ANKRD11: variants seen among roughly 807,000 people sequenced by gnomAD.
ANKRD11 encodes the protein ankyrin repeat domain 11, also known as ankyrin repeat domain-containing protein 11.
ANKRD11 carries 17 observed loss-of-function variants against 195.7 expected under a neutral mutation model. That is an observed-to-expected ratio of 0.09 (90% CI 0.06 to 0.13). The LOEUF (loss-of-function observed/expected upper bound fraction) is 0.13, where lower values mean the gene tolerates loss of function less well. Among genes scored for constraint, ANKRD11 ranks in the 10% least tolerant of loss-of-function variants. The pLI is 1.00. For synonymous variants in ANKRD11, 1,953 were observed against 1,528.1 expected, an observed-to-expected ratio of 1.28 and a Z score of -6.49; for missense variants, 3,735 against 3,566.1, an observed-to-expected ratio of 1.05 and a Z score of -1.21.
intron 11 of ANKRD11, 186 bp from the exon 12 acceptor site, chr16:89,271,095 A>G (rs567457940): frequency 6.1e-6 from 4 of 657,752 alleles, no homozygotes; most frequent in Non-Finnish European, 1.1e-5. Context: ...CTCCCTAAAC[A>G]GCCTCCCTAA....
Position 89,283,527 on chromosome 16 carries a change from T to C in ANKRD11, c.3015A>G (p.Pro1005=), listed in dbSNP as rs1356574465. The C allele has an allele frequency of 6.2e-7, 1 of 1,613,498 alleles. No individual in the cohort carries two copies. Among genetic ancestry groups the C allele is most frequent in the South Asian group, 1.1e-5 (1 of 91,088 alleles). ...KGLEPWERHH[P]AREKEKKDGP... ...CATCCTTCTTCTCCTTCTCTCGTGC[T>C]GGGTGGTGCCGTTCCCACGGCTCCA... The change falls in exon 9 of 13, where the codon CCA becomes CCG. Residue 1005 remains proline, a synonymous_variant. Transcript: ENST00000301030. The surrounding 1 kb of genome is among the most constrained non-coding windows in gnomAD (Gnocchi z 4.3).
chr16:89,487,374 C>A (rs1177325048), intron 1 of ANKRD11, among the ~76,000 whole-genome samples: 1 of 152,212 alleles, frequency 6.6e-6, no homozygotes, highest in African/African-American at 2.4e-5. Flanking sequence ...TACTGATACT[C>A]TCTAATTATG....
chr16:89,480,591 G>A (rs1597546329), intron 1 of ANKRD11, among the ~76,000 whole-genome samples: 1 of 152,066 alleles, frequency 6.6e-6, no homozygotes, highest in South Asian at 2.1e-4. Context: ...ACAAGTCCAA[G>A]ATGAGCCTAA....
chr16:89,398,343 C>T (rs994085846), intron 2 of ANKRD11, among the ~76,000 whole-genome samples: 4 of 89,644 alleles, frequency 4.5e-5, no homozygotes, highest in African/African-American at 1.2e-4. Flanking sequence ...CTACCTGTGA[C>T]CTCAGCACTC....
chr16:89,319,393 C>T (rs1005156321), intron 2 of ANKRD11, among the ~76,000 whole-genome samples: 1 of 152,244 alleles, frequency 6.6e-6, no homozygotes, highest in South Asian at 2.1e-4. Context: ...GTCGCACCCA[C>T]CAGGCAAAAT....
intron 1 of ANKRD11, among the ~76,000 whole-genome samples, chr16:89,438,306 G>A (rs1181526610): frequency 6.8e-6 from 1 of 146,172 alleles, no homozygotes; most frequent in Non-Finnish European, 1.5e-5. Context: ...CTATCTTTAT[G>A]GCCTTGGGAT....
chr16:89,391,343 G>A (rs2041189236), intron 2 of ANKRD11, among the ~76,000 whole-genome samples: 1 of 152,066 alleles, frequency 6.6e-6, no homozygotes, highest in African/African-American at 2.4e-5. Context: ...GTGGGTGCTG[G>A]AGTGCTGGCA....
intron 3 of ANKRD11, among the ~76,000 whole-genome samples, chr16:89,311,135 T>G (rs532696210): frequency 2.0e-5 from 3 of 152,382 alleles, no homozygotes; most frequent in African/African-American, 7.2e-5. Flanking sequence ...ATGTTTTTGC[T>G]GCATTAGTTG....
At chr16:89,366,025 A>C (rs2039933273) in intron 2 of ANKRD11, among the ~76,000 whole-genome samples, 1 of 151,484 alleles carries the variant, frequency 6.6e-6, no homozygotes, top group Non-Finnish European at 1.5e-5. Context: ...TCCATGTTCC[A>C]CAAAAGACAT....
At chr16:89,394,894 G>C (rs2041357791) in intron 2 of ANKRD11, among the ~76,000 whole-genome samples, 1 of 152,182 alleles carries the variant, frequency 6.6e-6, no homozygotes, top group African/African-American at 2.4e-5. Flanking sequence ...CTGTTGGAAA[G>C]CCTAAAGCTT....
rs1446765850 is a variant in ANKRD11 at position 89,368,367 on chromosome 16, T to TTG, written c.-60+49915_-60+49916dup. On this transcript the variant is annotated intron_variant, in intron 2 of 12. Transcript: ENST00000301030. ...GCCTGCTGCCGTGCCTGGCTAATTT[T>TTG]TGTGTTTTTTTTTTTTTTTTTTTTT... Among the ~76,000 whole-genome samples the TTG allele has an allele frequency of 1.2e-4, 16 of 130,128 alleles. 1 individual carries two copies. The highest frequency in any genetic ancestry group is 7.3e-4 in the South Asian group (3 of 4,112). 85.4% of individuals were successfully genotyped at this position (130,128 alleles called of 152,430 possible).
intron 11 of ANKRD11, chr16:89,272,714 C>G (rs1326537086): frequency 6.6e-6 from 1 of 152,150 alleles, no homozygotes; most frequent in Non-Finnish European, 1.5e-5. Flanking sequence ...TGTCCACACT[C>G]CCATATTTAA....
intron 2 of ANKRD11, among the ~76,000 whole-genome samples, chr16:89,367,614 G>T (rs910319737): frequency 1.3e-5 from 2 of 152,100 alleles, no homozygotes; most frequent in African/African-American, 4.8e-5. Flanking sequence ...CATTGCTTGG[G>T]GGCCTCTATA....
At chr16:89,290,294 G>A (rs1341258544) in intron 6 of ANKRD11, among the ~76,000 whole-genome samples, 12 of 133,690 alleles carry the variant, frequency 9.0e-5, no homozygotes, top group Admixed American at 8.7e-4. Flanking sequence ...GGCTCCAGCC[G>A]GGGGAGGCTC....
At chr16:89,314,982 C>A (rs575674170) in intron 3 of ANKRD11, among the ~76,000 whole-genome samples, 2 of 152,326 alleles carry the variant, frequency 1.3e-5, no homozygotes, top group East Asian at 3.9e-4. Context: ...CTAGAGCACA[C>A]CCCAGGTGCA....
intron 2 of ANKRD11, among the ~76,000 whole-genome samples, chr16:89,388,357 C>T (rs1004829521): frequency 8.2e-5 from 11 of 133,776 alleles, no homozygotes; most frequent in African/African-American, 2.2e-4. Context: ...GTCTTGAACT[C>T]CTGACCTCGT....
chr16:89,342,071 TCCA>T (rs2038712176), intron 2 of ANKRD11, among the ~76,000 whole-genome samples: 1 of 78,172 alleles, frequency 1.3e-5, no homozygotes, highest in African/African-American at 4.3e-5. Context: ...GTGCTGCACC[TCCA>T]CCGCCCACAG....
chr16:89,484,815 A>C (rs962639449), intron 1 of ANKRD11, among the ~76,000 whole-genome samples: 9 of 152,240 alleles, frequency 5.9e-5, no homozygotes, highest in African/African-American at 2.2e-4. Flanking sequence ...GTTGAGAAAA[A>C]GCCAACATTT....
chr16:89,273,026 G>C (rs1325620321), intron 11 of ANKRD11: 2 of 109,396 alleles, frequency 1.8e-5, no homozygotes, highest in East Asian at 6.2e-4. Flanking sequence ...CAGGGAGGTA[G>C]AAGTGGTTAA....
Sources: allele counts gnomAD v4.1 joint callset (sites outside exome capture counted in the v4.1 genomes callset), GRCh38; gene constraint gnomAD v4.1.1; non-coding constraint Gnocchi (gnomAD v3.1); transcripts MANE v1.5; gene names NCBI Gene and HGNC (gene_info 2026-07-23, HGNC 2026-07-21).